The following KANSL1 variants were observed in gnomAD, a reference collection of about 807,000 sequenced individuals.
KANSL1 encodes MLL1/MLL complex subunit KANSL1.
In KANSL1, 22 loss-of-function variants were observed where a neutral mutation model predicts 103.6. The observed-to-expected ratio is 0.21, with a 90% confidence interval of 0.15 to 0.30. The LOEUF (loss-of-function observed/expected upper bound fraction) is 0.30, where lower values mean the gene tolerates loss of function less well. KANSL1 is among the 10% of genes least tolerant of loss of function. The probability of loss-of-function intolerance (pLI) is 1.00; values close to 1 mark genes in which losing one functional copy is unlikely to be tolerated. For synonymous variants in KANSL1, 600 were observed against 527.6 expected, an observed-to-expected ratio of 1.14 and a Z score of -1.88; for missense variants, 1,337 against 1,399.8, an observed-to-expected ratio of 0.96 and a Z score of 0.72.
chr17:46,095,482 T>TA (rs1464429800), intron 2 of KANSL1, among the ~76,000 whole-genome samples: 1 of 152,200 alleles, frequency 6.6e-6, no homozygotes, highest in Non-Finnish European at 1.5e-5. Context: ...GGGAAATTTT[T>TA]AAAAAATCAG....
chr17:46,113,747 G>C (rs928011759), intron 2 of KANSL1, among the ~76,000 whole-genome samples: 2 of 152,130 alleles, frequency 1.3e-5, no homozygotes, highest in African/African-American at 4.8e-5. Context: ...TACATGGGAG[G>C]GGGTACAGTC....
At chr17:46,170,528 C>A in intron 2 of KANSL1, 1 of 363,884 alleles carries the variant, frequency 2.7e-6, no homozygotes, top group Non-Finnish European at 4.8e-6. Flanking sequence ...TTATCATGTC[C>A]TATATATAGT....
At chr17:46,120,397 T>C (rs2043226787) in intron 2 of KANSL1, among the ~76,000 whole-genome samples, 1 of 150,170 alleles carries the variant, frequency 6.7e-6, no homozygotes, top group Non-Finnish European at 1.5e-5. Flanking sequence ...TCTTTTAGTC[T>C]AAGTAAAAGC....
intron 1 of KANSL1, among the ~76,000 whole-genome samples, chr17:46,201,527 T>A (rs1227479744): frequency 6.6e-6 from 1 of 152,190 alleles, no homozygotes; most frequent in Non-Finnish European, 1.5e-5. Context: ...CTGATGGTTC[T>A]CTGAACCATC....
chr17:46,113,612 A>T lies in KANSL1; in HGVS notation c.1290-18911T>A, dbSNP rs148231304. ...ATTCAAGATACTCCTCAGTTCTCTC[A>T]TCCAAAAAACTCATGAGTTGGACTA... On this transcript the variant is annotated intron_variant, in intron 2 of 14. Transcript: ENST00000432791. Among the ~76,000 whole-genome samples, 1,461 of 151,900 alleles carry T rather than the reference A, an allele frequency of 9.6e-3. 19 individuals are homozygous for T. The highest frequency in any genetic ancestry group is 0.034 in the African/African-American group (1,413 of 41,492).
intron 1 of KANSL1, among the ~76,000 whole-genome samples, chr17:46,210,694 T>C (rs2048140480): frequency 6.6e-6 from 1 of 152,338 alleles, no homozygotes; most frequent in Admixed American, 6.5e-5. Flanking sequence ...TTCCCCATTT[T>C]GCAGATGGGA....
intron 2 of KANSL1, among the ~76,000 whole-genome samples, chr17:46,105,870 C>G (rs1342613810): frequency 9.8e-6 from 1 of 102,018 alleles, no homozygotes; most frequent in Non-Finnish European, 2.2e-5. Context: ...GACCTTCACA[C>G]ACACACACAC....
At chr17:46,153,111 T>A (rs987185132) in intron 2 of KANSL1, 10 of 152,264 alleles carry the variant, frequency 6.6e-5, no homozygotes, top group African/African-American at 2.4e-4. Context: ...TTCCTGGTCA[T>A]ATCACAAGGA....
intron 2 of KANSL1, among the ~76,000 whole-genome samples, chr17:46,112,368 C>CAAA (rs34480982): frequency 7.6e-4 from 39 of 51,106 alleles, no homozygotes; most frequent in Admixed American, 2.6e-3. Flanking sequence ...AACTCTGTCT[C>CAAA]AAAAAAAAAA....
At chr17:46,106,418 A>T (rs2042569389) in intron 2 of KANSL1, among the ~76,000 whole-genome samples, 1 of 152,164 alleles carries the variant, frequency 6.6e-6, no homozygotes, top group African/African-American at 2.4e-5. Context: ...TTTGAGATGG[A>T]GTCTCGCTCT....
At chr17:46,161,534 A>G (rs1299274345) in intron 2 of KANSL1, among the ~76,000 whole-genome samples, 1 of 152,214 alleles carries the variant, frequency 6.6e-6, no homozygotes, top group Admixed American at 6.5e-5. Flanking sequence ...CAAAGGCCCT[A>G]AACTCTGCCA....
chr17:46,130,610 G>A (rs1379681401), intron 2 of KANSL1, among the ~76,000 whole-genome samples: 1 of 152,136 alleles, frequency 6.6e-6, no homozygotes, highest in African/African-American at 2.4e-5. Flanking sequence ...CCTTCCCAAG[G>A]GCTTGAATTT....
chr17:46,071,980 CCA>C (rs1243313623), intron 4 of KANSL1, among the ~76,000 whole-genome samples: 7 of 137,676 alleles, frequency 5.1e-5, no homozygotes, highest in Non-Finnish European at 9.6e-5. Context: ...ATTGCTCCCC[CCA>C]CCCCTCCCCC....
chr17:46,100,332 G>C (rs2042254052), intron 2 of KANSL1, among the ~76,000 whole-genome samples: 1 of 151,962 alleles, frequency 6.6e-6, no homozygotes, highest in African/African-American at 2.4e-5. Context: ...AGCTACATAG[G>C]AGGCTGAGGC....
intron 1 of KANSL1, among the ~76,000 whole-genome samples, chr17:46,207,253 T>C (rs2048000142): frequency 6.6e-6 from 1 of 152,214 alleles, no homozygotes; most frequent in Admixed American, 6.5e-5. Flanking sequence ...GGCTCACGCC[T>C]GTAATCCTAG....
At chr17:46,067,341 C>T (rs2078416892) in intron 5 of KANSL1, among the ~76,000 whole-genome samples, 1 of 152,160 alleles carries the variant, frequency 6.6e-6, no homozygotes, top group East Asian at 1.9e-4. Flanking sequence ...TATTTTACTC[C>T]ATGCCCACTC....
At chr17:46,207,275 T>G (rs2668668) in intron 1 of KANSL1, among the ~76,000 whole-genome samples, 21,924 of 151,324 alleles carry the variant, frequency 0.14, 2,164 homozygotes, top group Middle Eastern at 0.22. Context: ...ACTTTGGGAG[T>G]CCAAGGCGGG....
intron 4 of KANSL1, among the ~76,000 whole-genome samples, chr17:46,075,342 ACT>A (rs999936467): frequency 3.6e-5 from 4 of 112,486 alleles, no homozygotes; most frequent in African/African-American, 7.9e-5. Context: ...ACACACACAC[ACT>A]CTCTCTTTCT....
chr17:46,129,401 T>C (rs895734679), intron 2 of KANSL1, among the ~76,000 whole-genome samples: 2 of 152,176 alleles, frequency 1.3e-5, no homozygotes, highest in Admixed American at 6.5e-5. Context: ...TGTCTGAAAA[T>C]GGAACGTATA....
Sources: allele counts gnomAD v4.1 joint callset (sites outside exome capture counted in the v4.1 genomes callset), GRCh38; gene constraint gnomAD v4.1.1; transcripts MANE v1.5; gene names NCBI Gene and HGNC (gene_info 2026-07-23, HGNC 2026-07-21).